Variants in CIMAP1A observed in about 807,000 individuals in gnomAD.
CIMAP1A encodes ciliary microtubule associated protein 1A, also known as cancer/testis antigen 135.
At chr11:199,657 AGGGGTGGGGTGG>A in the CIMAP1A span, 1 of 200,206 alleles carries the variant, frequency 5.0e-6, no homozygotes, top group East Asian at 1.9e-4. Context: ...GAAGGGGTGG[AGGGGTGGGGTGG>A]GGATGGGAGG....
chr11:199,551 G>C, the CIMAP1A span: 1 of 1,539,966 alleles, frequency 6.5e-7, no homozygotes, highest in Non-Finnish European at 8.7e-7. Context: ...GGTGGGGCAG[G>C]GTCCTGGCCC....
At chr11:199,423 G>T in the CIMAP1A span, 1 of 1,573,348 alleles carries the variant, frequency 6.4e-7, no homozygotes, top group South Asian at 1.2e-5. Flanking sequence ...CAAGTTCAAG[G>T]CTCCGCAGTA....
At chr11:199,303 T>A in the CIMAP1A span, 1 of 1,539,668 alleles carries the variant, frequency 6.5e-7, no homozygotes, top group African/African-American at 1.4e-5. Context: ...CTGAGTTTGC[T>A]CCCTGTCCTC....
the CIMAP1A span, chr11:199,691 T>G: frequency 1.4e-6 from 2 of 1,435,930 alleles, no homozygotes; most frequent in Non-Finnish European, 1.8e-6. Flanking sequence ...ACCTGCACCC[T>G]GAGGACCCTG....
chr11:197,849 G>T, the CIMAP1A span: 1 of 1,520,920 alleles, frequency 6.6e-7, no homozygotes, highest in East Asian at 2.4e-5. Flanking sequence ...GTCAGCAAGG[G>T]TGTGGGAGAG....
At chr11:199,160 T>A in the CIMAP1A span, 1 of 1,415,458 alleles carries the variant, frequency 7.1e-7, no homozygotes, top group East Asian at 2.6e-5. Context: ...AGCGTGAGGC[T>A]GAAATGGAGG....
the CIMAP1A span, chr11:198,236 C>T: frequency 2.4e-5 from 38 of 1,613,882 alleles, no homozygotes; most frequent in African/African-American, 4.0e-5. Flanking sequence ...AGTACGTGTT[C>T]GACTCAGCAC....
At chr11:200,019 G>C in the CIMAP1A span, 2 of 1,614,024 alleles carry the variant, frequency 1.2e-6, no homozygotes, top group Non-Finnish European at 1.7e-6. Context: ...TCCCCTGCTG[G>C]TTGATGTGGA....
chr11:197,556 C>T, the CIMAP1A span: 7 of 1,612,640 alleles, frequency 4.3e-6, no homozygotes, highest in South Asian at 3.3e-5. Flanking sequence ...CCATTGCGTC[C>T]ACAGGCTTCA....
At chr11:198,037 T>A in the CIMAP1A span, 1 of 1,540,444 alleles carries the variant, frequency 6.5e-7, no homozygotes, top group Non-Finnish European at 8.7e-7. Flanking sequence ...AGCCCTGAAG[T>A]CAGCATTTCC....
chr11:197,436 G>A, the CIMAP1A span: 31 of 1,597,440 alleles, frequency 1.9e-5, no homozygotes, highest in Non-Finnish European at 2.6e-5. Flanking sequence ...GAGACTGTGG[G>A]AGAGGGTCAG....
chr11:199,674 G>T, the CIMAP1A span: 1 of 1,431,582 alleles, frequency 7.0e-7, no homozygotes, highest in Non-Finnish European at 9.1e-7. Context: ...GGGTGGGGAT[G>T]GGAGGCACCT....
the CIMAP1A span, chr11:197,463 TG>T: frequency 8.8e-6 from 14 of 1,592,390 alleles, no homozygotes; most frequent in Non-Finnish European, 1.2e-5. Context: ...GGCGGGCAGG[TG>T]GGGGTCCCGG....
chr11:199,424 C>A, the CIMAP1A span: 4 of 1,572,700 alleles, frequency 2.5e-6, no homozygotes, highest in Non-Finnish European at 2.6e-6. Flanking sequence ...AAGTTCAAGG[C>A]TCCGCAGTAC....
At chr11:198,644 G>A in the CIMAP1A span, 2,642 of 1,554,948 alleles carry the variant, frequency 1.7e-3, 6 homozygotes, top group Non-Finnish European at 2.1e-3. Flanking sequence ...ACCCTCCCCC[G>A]GAACCCAGGA....
At chr11:197,412 A>T in the CIMAP1A span, 1 of 1,601,446 alleles carries the variant, frequency 6.2e-7, no homozygotes, top group Non-Finnish European at 8.5e-7. Flanking sequence ...CACCAACAAC[A>T]GGTAAGAGCC....
the CIMAP1A span, chr11:198,699 A>G: frequency 6.7e-7 from 1 of 1,502,896 alleles, no homozygotes; most frequent in Non-Finnish European, 8.9e-7. Flanking sequence ...CAGCCCCCTC[A>G]GCCCTTCACC....
chr11:197,800 T>C, the CIMAP1A span: 3 of 1,599,980 alleles, frequency 1.9e-6, no homozygotes, highest in African/African-American at 2.7e-5. Context: ...CTGCGCAGCC[T>C]CAGGCCTGCC....
chr11:198,666 G>C, the CIMAP1A span: 1 of 1,532,230 alleles, frequency 6.5e-7, no homozygotes, highest in Non-Finnish European at 8.8e-7. Context: ...CCACCAGTTC[G>C]GCCCTGCCTT....
Sources: allele counts gnomAD v4.1 joint callset, GRCh38; gene constraint gnomAD v4.1.1; transcripts MANE v1.5; gene names NCBI Gene and HGNC (gene_info 2026-07-23, HGNC 2026-07-21).